PCDHGB1: variants seen among roughly 807,000 people sequenced by gnomAD.
PCDHGB1 encodes protocadherin gamma subfamily B, 1, also known as protocadherin gamma-B1.
A neutral mutation model predicts 56.6 loss-of-function variants in PCDHGB1; 34 were observed. The observed-to-expected ratio is 0.60, with a 90% CI of 0.46 to 0.80. The LOEUF (loss-of-function observed/expected upper bound fraction) is 0.80, where lower values mean the gene tolerates loss of function less well. Ranked by LOEUF, PCDHGB1 falls within the 30% of genes least tolerant of loss-of-function variation. The pLI is 0.00. For synonymous variants in PCDHGB1, 561 were observed against 505.9 expected (o/e 1.11, Z -1.46); for missense variants, 1,278 against 1,204.6 (o/e 1.06, Z -0.90).
intron 1 of PCDHGB1, among the ~76,000 whole-genome samples, chr5:141,445,077 T>C (rs778919022): frequency 5.9e-5 from 9 of 152,242 alleles, no homozygotes; most frequent in Non-Finnish European, 1.2e-4. Flanking sequence ...CTCATTAAAT[T>C]GTCCCTACAT....
chr5:141,435,059 G>A (rs2097741198), intron 1 of PCDHGB1, among the ~76,000 whole-genome samples: 1 of 152,042 alleles, frequency 6.6e-6, no homozygotes, highest in Non-Finnish European at 1.5e-5. Context: ...CCATGCAGCA[G>A]TTTTGTGTAG....
intron 1 of PCDHGB1, chr5:141,416,902 C>T (rs1364019748): frequency 1.3e-5 from 2 of 152,020 alleles, no homozygotes; most frequent in Non-Finnish European, 2.9e-5. Flanking sequence ...GGAAGGAAAG[C>T]ACACTCTTTA....
At chr5:141,365,595 T>C (rs746207657) in intron 1 of PCDHGB1, 1 of 1,613,672 alleles carries the variant, frequency 6.2e-7, no homozygotes, top group Admixed American at 1.7e-5. Context: ...AATATCACTT[T>C]AACCGTCATG....
intron 1 of PCDHGB1, chr5:141,365,152 C>A: frequency 6.2e-7 from 1 of 1,613,880 alleles, no homozygotes; most frequent in Non-Finnish European, 8.5e-7. Flanking sequence ...AGGGAATAAA[C>A]GGGAAATTGA....
At position 141,432,660 on chromosome 5, in the gene PCDHGB1, A is replaced by G; in HGVS notation, c.2410-62147A>G. The G allele has an allele frequency of 6.2e-7, 1 of 1,613,768 alleles. No individual in the cohort carries two copies. Among genetic ancestry groups the G allele is most frequent in the African/African-American group, 1.3e-5 (1 of 75,026 alleles). ...GTGCGCACGGCGCGAGCCCTGCTGG[A>G]CAGAGACGCGCTCAAGCAGAGCCTC... On this transcript the variant is annotated intron_variant, in intron 1 of 3. Coordinates refer to ENST00000523390, the MANE Select transcript of PCDHGB1 (RefSeq NM_018922.3). The surrounding 1 kb of genome is among the most constrained non-coding windows in gnomAD (Gnocchi z 6.0).
At chr5:141,488,273 C>A (rs1411817846) in intron 1 of PCDHGB1, among the ~76,000 whole-genome samples, 6 of 152,256 alleles carry the variant, frequency 3.9e-5, no homozygotes, top group East Asian at 1.9e-4. Flanking sequence ...TTGGTCATCA[C>A]CTTTGGAAAA....
Position 141,352,643 on chromosome 5 carries a change from G to T in PCDHGB1, c.2383G>T (p.Ala795Ser). 6.2e-7 allele frequency: 1 copy of T among 1,606,940 alleles called. No individual in the cohort carries two copies. The highest frequency in any genetic ancestry group is 8.5e-7 in the Non-Finnish European group (1 of 1,176,266). ...TGCCAGTAATGAAGATCACAAAATC[G>T]CTTATGACCCTTCTTTGTCTTCGCA... ...VCASNEDHKI[A>S]YDPSLSSHQA... Residue 795 changes from alanine to serine, a missense_variant, in exon 1 of 4, where the codon GCT becomes TCT. Physicochemically the swap from Ala to Ser is moderately conservative, Grantham distance 99 (BLOSUM62 1). Transcript: ENST00000523390.
At chr5:141,482,943 G>T (rs2099574928) in intron 1 of PCDHGB1, among the ~76,000 whole-genome samples, 1 of 152,086 alleles carries the variant, frequency 6.6e-6, no homozygotes, top group Non-Finnish European at 1.5e-5. Context: ...TGTGGTTGTG[G>T]GTGCCTGTAA....
intron 1 of PCDHGB1, among the ~76,000 whole-genome samples, chr5:141,464,193 A>C (rs991769179): frequency 1.3e-5 from 2 of 149,674 alleles, no homozygotes; most frequent in Non-Finnish European, 3.0e-5. Flanking sequence ...TGATTTCAGG[A>C]GGCGGAGATT....
intron 1 of PCDHGB1, chr5:141,424,789 A>T (rs538504226): frequency 2.0e-5 from 3 of 152,238 alleles, no homozygotes; most frequent in African/African-American, 7.2e-5. Flanking sequence ...CAGTTCTTTT[A>T]TTCAGACCAA....
At chr5:141,423,990 T>A (rs2096793990) in intron 1 of PCDHGB1, 2 of 1,090,000 alleles carry the variant, frequency 1.8e-6, no homozygotes, top group East Asian at 1.1e-4. Flanking sequence ...GCTCTCAATT[T>A]ATTATATATA....
chr5:141,375,347 G>A, intron 1 of PCDHGB1: 2 of 1,613,852 alleles, frequency 1.2e-6, no homozygotes, highest in South Asian at 2.2e-5. Flanking sequence ...CAACATCACT[G>A]TGACAGCCAC....
In PCDHGB1 at chr5:141,350,494, C is replaced by T. The variant is rs764659811; in HGVS notation, c.234C>T (p.Ser78=). ...AEDYFNVSLE[S]GDLLVNGRID... is the part of the protein sequence containing the mutation. Reference sequence around the variant, plus strand: ...ATTATTTCAACGTTAGTTTGGAGAGCGGGGATTTGTTAGTGAACGGTAGGA... The same window carrying T: ...ATTATTTCAACGTTAGTTTGGAGAGTGGGGATTTGTTAGTGAACGGTAGGA... The change falls in exon 1 of 4, where the codon AGC becomes AGT. Residue 78 remains serine, a synonymous_variant. Transcript: ENST00000523390. 6 of 1,613,924 alleles carry T rather than the reference C, an allele frequency of 3.7e-6. No homozygotes were observed. The highest frequency in any genetic ancestry group is 5.1e-6 in the Non-Finnish European group (6 of 1,179,880).
At chr5:141,435,334 T>C (rs1223377462) in intron 1 of PCDHGB1, among the ~76,000 whole-genome samples, 1 of 152,196 alleles carries the variant, frequency 6.6e-6, no homozygotes, top group East Asian at 1.9e-4. Context: ...ATATAGTGAA[T>C]TTATTTCTTC....
At position 141,350,286 on chromosome 5, in the gene PCDHGB1, T is replaced by G; in HGVS notation, c.26T>G (p.Met9Arg). Residue 9 changes from methionine to arginine, a missense_variant, in exon 1 of 4, where the codon ATG (methionine) becomes AGG (arginine). Met to Arg is a moderately conservative substitution (Grantham distance 91). Transcript: ENST00000523390. ...ATGCAGAGAGCCAGAGAAGCCGAAA[T>G]GATGAAAAGTCAGGTACTGTTTCCC... MQRAREAE[M>R]MKSQVLFPFL... 6.6e-7 allele frequency: 1 copy of G among 1,510,806 alleles called. No individual in the cohort carries two copies. The highest frequency in any genetic ancestry group is 8.8e-7 in the Non-Finnish European group (1 of 1,131,006). 93.6% of individuals were successfully genotyped at this position (1,510,806 alleles called of 1,614,324 possible).
chr5:141,491,712 G>A lies in PCDHGB1; in HGVS notation c.2410-3095G>A, dbSNP rs932849130. On this transcript the variant is annotated intron_variant, in intron 1 of 3. Coordinates refer to ENST00000523390, the MANE Select transcript of PCDHGB1 (RefSeq NM_018922.3). The surrounding 1 kb of genome is among the most constrained non-coding windows in gnomAD (Gnocchi z 6.9). Reference sequence around the variant, plus strand: ...GGGAGCGGAGCCAGGTGAGGGGCTCGGCGCCGCCCCGGGCGACCCCTGGGG... The same window carrying A: ...GGGAGCGGAGCCAGGTGAGGGGCTCAGCGCCGCCCCGGGCGACCCCTGGGG... The A allele has an allele frequency of 1.2e-6, 2 of 1,609,290 alleles. No homozygotes were observed. Among genetic ancestry groups the A allele is most frequent in the East Asian group, 2.2e-5 (1 of 44,760 alleles).
intron 3 of PCDHGB1, among the ~76,000 whole-genome samples, chr5:141,510,518 GC>G (rs2099881500): frequency 6.6e-6 from 1 of 152,112 alleles, no homozygotes; most frequent in Non-Finnish European, 1.5e-5. Context: ...CCGTGTCACA[GC>G]CCTGAGAGAA....
At position 141,494,934 on chromosome 5, in the gene PCDHGB1, T is replaced by C. The variant is rs2099757666; in HGVS notation, c.2468+69T>C. On this transcript the variant is annotated intron_variant, in intron 2 of 3. Transcript: ENST00000523390. ...TTCTCAGGGATGACGTGGGAGGAGA[T>C]GGGGGAGGGCCCAGCATTTGCTACA... 5.6e-6 allele frequency: 9 copies of C among 1,612,736 alleles called. No individual in the cohort carries two copies. The South Asian group carries it at 7.7e-5, about 14-fold the overall frequency.
intron 2 of PCDHGB1, among the ~76,000 whole-genome samples, chr5:141,498,260 A>C (rs1044675509): frequency 6.6e-6 from 1 of 152,140 alleles, no homozygotes; most frequent in Non-Finnish European, 1.5e-5. Flanking sequence ...GCTGGTGTTG[A>C]GTTCTTCAGT....
Sources: allele counts gnomAD v4.1 joint callset (sites outside exome capture counted in the v4.1 genomes callset), GRCh38; gene constraint gnomAD v4.1.1; non-coding constraint Gnocchi (gnomAD v3.1); transcripts MANE v1.5; gene names NCBI Gene and HGNC (gene_info 2026-07-23, HGNC 2026-07-21).